Variants in HS3ST4 observed in about 807,000 individuals in gnomAD.
HS3ST4 encodes heparan sulfate glucosamine 3-O-sulfotransferase 4.
HS3ST4 carries 17 observed loss-of-function variants against 29.2 expected under a neutral mutation model. The ratio of observed to expected loss-of-function variants is 0.58; its 90% CI spans 0.40 to 0.87. The LOEUF is 0.87. Among genes scored for constraint, HS3ST4 ranks in the 40% least tolerant of loss-of-function variants. The probability of loss-of-function intolerance (pLI) is 0.00; values close to 1 mark genes in which losing one functional copy is unlikely to be tolerated. For synonymous variants in HS3ST4, 314 were observed against 285.7 expected (o/e 1.10, Z -1.00); for missense variants, 627 against 634.5 (o/e 0.99, Z 0.13).
At chr16:25,799,344 A>G (rs2141623308) in intron 1 of HS3ST4, among the ~76,000 whole-genome samples, 1 of 152,286 alleles carries the variant, frequency 6.6e-6, no homozygotes, top group African/African-American at 2.4e-5. Context: ...GTTCTTATTC[A>G]TTTTTATTAA....
intron 1 of HS3ST4, among the ~76,000 whole-genome samples, chr16:25,970,520 C>G (rs1968885951): frequency 6.6e-6 from 1 of 151,964 alleles, no homozygotes; most frequent in Non-Finnish European, 1.5e-5. Context: ...TTTTCTCTCT[C>G]TCTTTTTTTT....
rs182371463 is a variant in HS3ST4, at chr16:25,887,663, G to A, written c.734+194512G>A. On this transcript the variant is annotated intron_variant, in intron 1 of 1. Transcript: ENST00000331351. ...GTAAGACATCCATATGGCTATGGGT[G>A]GAGCATCCCTAGCGCCCGCTACACC... 2.2e-4 allele frequency among the ~76,000 whole-genome samples: 34 copies of A among 151,568 alleles called. No homozygotes were observed. The East Asian group carries it at 5.8e-3, about 26-fold the overall frequency.
chr16:25,915,181 C>T (rs1968280288), intron 1 of HS3ST4, among the ~76,000 whole-genome samples: 1 of 152,058 alleles, frequency 6.6e-6, no homozygotes, highest in East Asian at 1.9e-4. Context: ...GTGCTTCATT[C>T]TTCTTTGTAT....
At chr16:25,703,762 C>A (rs1966352792) in intron 1 of HS3ST4, among the ~76,000 whole-genome samples, 1 of 152,014 alleles carries the variant, frequency 6.6e-6, no homozygotes, top group South Asian at 2.1e-4. Context: ...ATTTTATTCT[C>A]TTTTCCCTCC....
intron 1 of HS3ST4, among the ~76,000 whole-genome samples, chr16:25,694,837 G>C (rs1966282130): frequency 6.6e-6 from 1 of 151,794 alleles, no homozygotes; most frequent in African/African-American, 2.4e-5. Context: ...GAGGCAGAAA[G>C]ATCAAATCTT....
intron 1 of HS3ST4, chr16:26,032,734 C>T (rs537397855): frequency 1.7e-5 from 19 of 1,088,764 alleles, no homozygotes; most frequent in Admixed American, 1.7e-4. Context: ...CAGACAACCT[C>T]GCGGATCTTC....
chr16:26,106,194 A>G (rs562278739), intron 1 of HS3ST4, among the ~76,000 whole-genome samples: 1 of 151,922 alleles, frequency 6.6e-6, no homozygotes, highest in Non-Finnish European at 1.5e-5. Context: ...ATTCAAGTAA[A>G]TTTCCCTTTT....
chr16:25,714,063 C>A (rs1966435319), intron 1 of HS3ST4, among the ~76,000 whole-genome samples: 2 of 151,908 alleles, frequency 1.3e-5, no homozygotes, highest in Admixed American at 1.3e-4. Context: ...GGGAATTTTG[C>A]AGATCTCTGT....
At chr16:26,118,094 C>T (rs1226504058) in intron 1 of HS3ST4, among the ~76,000 whole-genome samples, 1 of 152,190 alleles carries the variant, frequency 6.6e-6, no homozygotes, top group East Asian at 1.9e-4. Flanking sequence ...AAGACAGGGT[C>T]TCACTCTGTT....
intron 1 of HS3ST4, among the ~76,000 whole-genome samples, chr16:25,864,307 T>C (rs539232251): frequency 6.8e-6 from 1 of 146,092 alleles, no homozygotes; most frequent in East Asian, 2.1e-4. Flanking sequence ...TTATGTTTTG[T>C]GGTCAGAACA....
At chr16:25,735,202 A>G (rs982771716) in intron 1 of HS3ST4, among the ~76,000 whole-genome samples, 1 of 152,202 alleles carries the variant, frequency 6.6e-6, no homozygotes, top group Non-Finnish European at 1.5e-5. Context: ...ACACAGTGTC[A>G]TGTAAGTCAG....
intron 1 of HS3ST4, among the ~76,000 whole-genome samples, chr16:25,943,452 G>A (rs1347331575): frequency 2.0e-5 from 3 of 152,142 alleles, no homozygotes; most frequent in Non-Finnish European, 4.4e-5. Context: ...GGCAGAAAAA[G>A]TCTCATATGG....
At chr16:25,946,967 G>A (rs1968632657) in intron 1 of HS3ST4, among the ~76,000 whole-genome samples, 1 of 152,172 alleles carries the variant, frequency 6.6e-6, no homozygotes, top group African/African-American at 2.4e-5. Context: ...AATGTGGTTG[G>A]GGAGCTGAGC....
chr16:25,756,955 A>C (rs1966761893), intron 1 of HS3ST4, among the ~76,000 whole-genome samples: 1 of 152,214 alleles, frequency 6.6e-6, no homozygotes, highest in African/African-American at 2.4e-5. Flanking sequence ...CATACGTCTT[A>C]TCTCTTTAAT....
rs150211104 is a variant in HS3ST4 at position 25,946,838 on chromosome 16, T to C, written c.735-188774T>C. On this transcript the variant is annotated intron_variant, in intron 1 of 1. Transcript: ENST00000331351. The stretch of plus-strand genomic sequence containing the variant: ...AAGAGATAGGGAAAAAAAACACTTC[T>C]AGCAGCAAGGAAGGCAGGTGCAAAA... Among the ~76,000 whole-genome samples, 11 of 152,092 alleles carry C rather than the reference T, an allele frequency of 7.2e-5. No individual in the cohort carries two copies. In the East Asian group the frequency reaches 1.9e-3, roughly 27 times the overall value.
intron 1 of HS3ST4, among the ~76,000 whole-genome samples, chr16:26,119,532 G>A (rs1899244327): frequency 1.3e-5 from 2 of 152,154 alleles, no homozygotes; most frequent in Admixed American, 1.3e-4. Context: ...CCTCTCCTGA[G>A]GTTAGGGAGC....
chr16:26,010,334 ATC>A (rs1180709746), intron 1 of HS3ST4, among the ~76,000 whole-genome samples: 1 of 152,104 alleles, frequency 6.6e-6, no homozygotes, highest in African/African-American at 2.4e-5. Flanking sequence ...TGCTCCTGTA[ATC>A]CCAGCTCCTG....
intron 1 of HS3ST4, among the ~76,000 whole-genome samples, chr16:26,036,373 C>T (rs139874758): frequency 6.6e-6 from 1 of 152,148 alleles, no homozygotes; most frequent in Non-Finnish European, 1.5e-5. Context: ...GTGAATAATG[C>T]CTTCTAGAAC....
chr16:26,075,070 G>A (rs1596672111), intron 1 of HS3ST4, among the ~76,000 whole-genome samples: 1 of 152,192 alleles, frequency 6.6e-6, no homozygotes, highest in African/African-American at 2.4e-5. Flanking sequence ...GTACGCGCCT[G>A]TAGTCCCAGC....
Sources: gnomAD v4.1 joint callset for allele counts (sites outside exome capture counted in the v4.1 genomes callset) on GRCh38, gnomAD v4.1.1 for gene constraint, MANE v1.5 for transcripts, NCBI Gene and HGNC (gene_info 2026-07-23, HGNC 2026-07-21) for gene names.